Variants in STON2 observed in about 807,000 individuals in gnomAD.
The protein encoded by STON2 is stonin 2, also known as stonin-2.
STON2 carries 29 observed loss-of-function variants against 65.7 expected under a neutral mutation model. The observed-to-expected ratio is 0.44, with a 90% CI of 0.33 to 0.60. The LOEUF is 0.60. STON2 is among the 20% of genes least tolerant of loss of function. STON2 has a pLI of 0.03. For synonymous variants in STON2, 404 were observed against 414.2 expected, an observed-to-expected ratio of 0.98 and a Z score of 0.30; for missense variants, 1,054 against 1,118.1, an observed-to-expected ratio of 0.94 and a Z score of 0.82.
At position 81,388,151 on chromosome 14, in the gene STON2, T is replaced by C. The variant is rs547405398; in HGVS notation, c.373+7743A>G. Reference sequence around the variant, plus strand: ...TTTTAGTAGAGATGGCGTTTCACCATGTTGGCCAGGCTGGTCTCAAACTCC... The same window carrying C: ...TTTTAGTAGAGATGGCGTTTCACCACGTTGGCCAGGCTGGTCTCAAACTCC... On this transcript the variant is annotated intron_variant, in intron 3 of 7. Transcript: ENST00000614646. 1.8e-4 allele frequency among the ~76,000 whole-genome samples: 27 copies of C among 151,822 alleles called. No individual in the cohort carries two copies. The South Asian group carries it at 4.6e-3, about 26-fold the overall frequency.
At chr14:81,382,533 G>A (rs939000615) in intron 3 of STON2, among the ~76,000 whole-genome samples, 2 of 151,996 alleles carry the variant, frequency 1.3e-5, no homozygotes, top group African/African-American at 4.8e-5. Flanking sequence ...AACTCAGAAG[G>A]TGGTGATACA....
chr14:81,367,072 A>T (rs1898769111), intron 4 of STON2, among the ~76,000 whole-genome samples: 1 of 152,240 alleles, frequency 6.6e-6, no homozygotes, highest in South Asian at 2.1e-4. Context: ...TGGCACTGCC[A>T]CAAGCCTGGT....
chr14:81,381,201 T>C (rs536550085), intron 3 of STON2, among the ~76,000 whole-genome samples: 1 of 152,230 alleles, frequency 6.6e-6, no homozygotes, highest in Non-Finnish European at 1.5e-5. Flanking sequence ...TCTAGCTAGA[T>C]TGAATGTCAA....
At position 81,264,674 on chromosome 14, in the gene STON2, A is replaced by G; in HGVS notation, c.*3740T>C. On this transcript the variant is annotated 3_prime_UTR_variant, in exon 8 of 8. Coordinates refer to ENST00000614646, the MANE Select transcript of STON2 (RefSeq NM_001394390.1). ...TTTCAAATAAAAAATATTTTAAATCAAACAATGTTCTCAAGGATTATGAAC... is the reference window on the plus strand; with the variant it reads ...TTTCAAATAAAAAATATTTTAAATCGAACAATGTTCTCAAGGATTATGAAC... 1.0e-6 allele frequency: 1 copy of G among 985,308 alleles called. No homozygotes were observed. The highest frequency in any genetic ancestry group is 1.2e-6 in the Non-Finnish European group (1 of 829,778). 61.0% of individuals were successfully genotyped at this position (985,308 alleles called of 1,614,324 possible). A position where few individuals can be genotyped will look rare whatever the true frequency, so the allele number is the denominator to read the frequency against.
chr14:81,388,017 T>G (rs1311722524), intron 3 of STON2, among the ~76,000 whole-genome samples: 1 of 142,618 alleles, frequency 7.0e-6, no homozygotes, highest in African/African-American at 2.6e-5. Flanking sequence ...TGGCACAATC[T>G]TGGCTCACTG....
At chr14:81,287,180 C>T (rs1367365318) in intron 5 of STON2, among the ~76,000 whole-genome samples, 1 of 151,976 alleles carries the variant, frequency 6.6e-6, no homozygotes, top group African/African-American at 2.4e-5. Flanking sequence ...TTCTAACGTG[C>T]GTAAAATATG....
At chr14:81,389,266 T>A (rs1480781227) in intron 3 of STON2, among the ~76,000 whole-genome samples, 1 of 152,260 alleles carries the variant, frequency 6.6e-6, no homozygotes, top group Non-Finnish European at 1.5e-5. Flanking sequence ...GTTCCTTTTT[T>A]TCCTGGCTGA....
intron 3 of STON2, among the ~76,000 whole-genome samples, chr14:81,392,743 C>T (rs1284296341): frequency 6.6e-6 from 1 of 151,650 alleles, no homozygotes; most frequent in African/African-American, 2.4e-5. Flanking sequence ...AGCAAAAGTG[C>T]TTCATGTATT....
Position 81,278,409 on chromosome 14 carries a change from G to A in STON2, c.1073C>T (p.Pro358Leu), listed in dbSNP as rs779184590. 6.2e-7 allele frequency: 1 copy of A among 1,614,236 alleles called. No individual in the cohort carries two copies. The highest frequency in any genetic ancestry group is 8.5e-7 in the Non-Finnish European group (1 of 1,180,048). Residue 358 changes from proline to leucine, a missense_variant, in exon 6 of 8, where the codon CCT (proline) becomes CTT (leucine). By Grantham distance (98) the Pro-to-Leu change is moderately conservative. Transcript: ENST00000614646. ...CCAAGGTGAAGCCTCAGTTACAGAA[G>A]GCGTGCGGTTTAAAGAGGAAATATC... The part of the protein sequence containing the change: ...KLDISSLNRT[P>L]SVTEASPWRA...
chr14:81,401,809 G>C (rs1223403934), upstream of STON2, among the ~76,000 whole-genome samples: 2 of 152,144 alleles, frequency 1.3e-5, no homozygotes, highest in African/African-American at 4.8e-5. Context: ...TAAGATGGGG[G>C]TCATAGAAGT....
intron 5 of STON2, among the ~76,000 whole-genome samples, chr14:81,313,885 A>C (rs1020759160): frequency 6.6e-6 from 1 of 152,116 alleles, no homozygotes; most frequent in Admixed American, 6.5e-5. Context: ...AAGTATGATG[A>C]AAGAAAATAA....
intron 4 of STON2, among the ~76,000 whole-genome samples, chr14:81,362,096 A>G (rs8014636): frequency 0.39 from 58,958 of 151,916 alleles, 11,746 homozygotes; most frequent in South Asian, 0.58. Flanking sequence ...AACTAAAAAT[A>G]GAATTATGAT....
Position 81,264,570 on chromosome 14 carries a change from C to A in STON2, c.*3844G>T. ...ATATATAGTCCTTGCCTTCATGGAT[C>A]CCATTTATCAGAAACATAAGTTTCT... On this transcript the variant is annotated 3_prime_UTR_variant, in exon 8 of 8. Coordinates refer to ENST00000614646, the MANE Select transcript of STON2 (RefSeq NM_001394390.1). The A allele has an allele frequency of 1.0e-6, 1 of 984,572 alleles. No homozygotes were observed. 61.0% of individuals were successfully genotyped at this position (984,572 alleles called of 1,614,324 possible). A position where few individuals can be genotyped will look rare whatever the true frequency, so the allele number is the denominator to read the frequency against.
At chr14:81,309,199 C>A (rs1896327765) in intron 5 of STON2, among the ~76,000 whole-genome samples, 1 of 151,658 alleles carries the variant, frequency 6.6e-6, no homozygotes, top group African/African-American at 2.4e-5. Context: ...GATCTCATGA[C>A]AAGCATTAAT....
intron 3 of STON2, among the ~76,000 whole-genome samples, chr14:81,383,029 T>C (rs1377551670): frequency 6.6e-6 from 1 of 152,234 alleles, no homozygotes; most frequent in East Asian, 1.9e-4. Context: ...GGCTTGGAGC[T>C]GACTCTGCTC....
At chr14:81,393,594 A>G (rs1900180028) in intron 3 of STON2, among the ~76,000 whole-genome samples, 1 of 152,220 alleles carries the variant, frequency 6.6e-6, no homozygotes, top group South Asian at 2.1e-4. Context: ...CATGTGTAAT[A>G]TGGATTAATA....
chr14:81,371,018 T>TC lies in STON2; in HGVS notation c.540dup (p.Ser181GlufsTer8). 1 of 1,613,112 alleles carries TC rather than the reference T, an allele frequency of 6.2e-7. No homozygotes were observed. On this transcript the variant is annotated frameshift_variant, in exon 4 of 8. Transcript: ENST00000614646. LOFTEE classifies it high-confidence loss of function. ...GAGTCAGCCCCAGAAGCCTGGCCAC[T>TC]CGTCTGCTCCTCAGCATTGATGAGC...
chr14:81,347,879 C>A (rs1595379531), intron 4 of STON2, among the ~76,000 whole-genome samples: 1 of 102,946 alleles, frequency 9.7e-6, no homozygotes, highest in African/African-American at 3.9e-5. Flanking sequence ...ATTGCAGCAA[C>A]AGAGTAGGAC....
chr14:81,391,359 A>T (rs1900068744), intron 3 of STON2, among the ~76,000 whole-genome samples: 1 of 152,246 alleles, frequency 6.6e-6, no homozygotes, highest in Non-Finnish European at 1.5e-5. Context: ...TTTTGGATTC[A>T]AATTAAAATC....
Sources: allele counts gnomAD v4.1 joint callset (sites outside exome capture counted in the v4.1 genomes callset), GRCh38; gene constraint gnomAD v4.1.1; transcripts MANE v1.5; gene names NCBI Gene and HGNC (gene_info 2026-07-23, HGNC 2026-07-21).